ERC1: variants seen among roughly 807,000 people sequenced by gnomAD.
ERC1 encodes the protein RAB6 interacting protein 2.
A neutral mutation model predicts 132.0 loss-of-function variants in ERC1; 56 were observed. The ratio of observed to expected loss-of-function variants is 0.42; its 90% confidence interval spans 0.34 to 0.53. The LOEUF is 0.53. ERC1 is among the 20% of genes least tolerant of loss of function. ERC1 has a pLI of 0.03. For synonymous variants in ERC1, 478 were observed against 476.1 expected, an observed-to-expected ratio of 1.00 and a Z score of -0.05; for missense variants, 1,202 against 1,349.9, an observed-to-expected ratio of 0.89 and a Z score of 1.72.
At chr12:1,021,130 G>A (rs1488065854) in intron 1 of ERC1, among the ~76,000 whole-genome samples, 2 of 152,038 alleles carry the variant, frequency 1.3e-5, no homozygotes, top group East Asian at 2.0e-4. Flanking sequence ...TAGTAGAGAC[G>A]GGGTTTCACC....
At chr12:1,336,948 C>T (rs978124952) in intron 15 of ERC1, among the ~76,000 whole-genome samples, 8 of 152,098 alleles carry the variant, frequency 5.3e-5, no homozygotes, top group East Asian at 3.9e-4. Flanking sequence ...CAGGCATGCA[C>T]GAGCATGCTG....
chr12:1,291,120 C>T (rs938302294), intron 15 of ERC1, among the ~76,000 whole-genome samples: 2 of 152,200 alleles, frequency 1.3e-5, no homozygotes. Context: ...CATGAATTCT[C>T]ATGGGACATG....
chr12:1,419,604 T>C (rs763494012), intron 17 of ERC1, among the ~76,000 whole-genome samples: 10 of 151,808 alleles, frequency 6.6e-5, no homozygotes, highest in Admixed American at 5.9e-4. Context: ...GCCATGTTTT[T>C]CATCATTTCA....
Position 1,491,180 on chromosome 12 carries a change from T to C in ERC1, c.*950T>C, listed in dbSNP as rs1363858104. 4.3e-6 allele frequency: 1 copy of C among 231,822 alleles called. No individual in the cohort carries two copies. The highest frequency in any genetic ancestry group is 8.5e-6 in the Non-Finnish European group (1 of 117,132). The allele number at this position is 231,822 out of a possible 1,614,324, so 14.4% of individuals were successfully genotyped here. On this transcript the variant is annotated 3_prime_UTR_variant, in exon 19 of 19. Transcript: ENST00000360905. ...CAGATGCCCGTTGCTCTTGGGCTGGTTTCCCCTGAACACCTCCAAGAGGCT... is the reference window on the plus strand; with the variant it reads ...CAGATGCCCGTTGCTCTTGGGCTGGCTTCCCCTGAACACCTCCAAGAGGCT...
chr12:1,196,974 ATATTTTTTTTTT>A (rs1956378446), intron 12 of ERC1, among the ~76,000 whole-genome samples: 1 of 52,134 alleles, frequency 1.9e-5, no homozygotes, highest in Non-Finnish European at 3.4e-5. Context: ...ATATATATAT[ATATTTTTTTTTT>A]TTTTTTTTTT....
At chr12:1,317,970 A>G (rs2081883820) in intron 15 of ERC1, among the ~76,000 whole-genome samples, 1 of 152,224 alleles carries the variant, frequency 6.6e-6, no homozygotes, top group African/African-American at 2.4e-5. Context: ...TAGCATGTGT[A>G]TATTGTAAAT....
chr12:1,149,114 G>A (rs1950621484), intron 8 of ERC1, among the ~76,000 whole-genome samples: 2 of 152,128 alleles, frequency 1.3e-5, no homozygotes, highest in South Asian at 4.1e-4. Context: ...TAGGTTTAGA[G>A]AAGTTTAAAG....
At chr12:1,424,511 T>C (rs1435819344) in intron 17 of ERC1, among the ~76,000 whole-genome samples, 1 of 152,208 alleles carries the variant, frequency 6.6e-6, no homozygotes, top group Middle Eastern at 3.2e-3. Context: ...TAGTCTCTTA[T>C]GTCTCTAAAA....
chr12:1,462,556 AAAG>A (rs1190658152), intron 18 of ERC1, among the ~76,000 whole-genome samples: 1 of 152,254 alleles, frequency 6.6e-6, no homozygotes, highest in Non-Finnish European at 1.5e-5. Context: ...GTGTTAAGCA[AAAG>A]AAGCCAGACA....
intron 18 of ERC1, 134 bp downstream of exon 18, chr12:1,444,884 G>C (rs1389403178): frequency 1.4e-6 from 1 of 701,116 alleles, no homozygotes; most frequent in Non-Finnish European, 2.3e-6. Context: ...GGGGAATCCC[G>C]TTGCTGTGTA....
intron 12 of ERC1, among the ~76,000 whole-genome samples, chr12:1,235,288 G>A (rs1028017400): frequency 2.0e-5 from 3 of 152,162 alleles, no homozygotes; most frequent in African/African-American, 4.8e-5. Flanking sequence ...GAGCCTGGGG[G>A]GTCAAGGCTG....
At chr12:1,433,149 T>G (rs1478749053) in intron 17 of ERC1, among the ~76,000 whole-genome samples, 1 of 152,192 alleles carries the variant, frequency 6.6e-6, no homozygotes, top group African/African-American at 2.4e-5. Flanking sequence ...TAGTTAAGAT[T>G]ATAAGATGCA....
At chr12:1,285,723 A>C (rs1262264790) in intron 14 of ERC1, among the ~76,000 whole-genome samples, 1 of 152,240 alleles carries the variant, frequency 6.6e-6, no homozygotes, top group East Asian at 1.9e-4. Flanking sequence ...TACAAGGAGC[A>C]AATAATTTCA....
At chr12:1,430,053 G>T (rs1174380251) in intron 17 of ERC1, among the ~76,000 whole-genome samples, 1 of 152,152 alleles carries the variant, frequency 6.6e-6, no homozygotes, top group Non-Finnish European at 1.5e-5. Flanking sequence ...CTTCCCTGGG[G>T]ATAGAACAGC....
At chr12:1,486,417 C>T (rs10848490) in intron 18 of ERC1, among the ~76,000 whole-genome samples, 76,306 of 150,928 alleles carry the variant, frequency 0.51, 21,174 homozygotes, top group Middle Eastern at 0.64. Context: ...GCACTTTTTA[C>T]TTTATTTTAT....
At chr12:1,062,140 C>T (rs1240387958) in intron 2 of ERC1, among the ~76,000 whole-genome samples, 5 of 151,622 alleles carry the variant, frequency 3.3e-5, no homozygotes, top group Admixed American at 6.6e-5. Context: ...CCCACCAGCA[C>T]GCCTGGCTAA....
At chr12:1,306,268 T>A (rs2154347655) in intron 15 of ERC1, among the ~76,000 whole-genome samples, 1 of 152,296 alleles carries the variant, frequency 6.6e-6, no homozygotes, top group Non-Finnish European at 1.5e-5. Flanking sequence ...ACTATTTAAA[T>A]GAGCCATGAC....
chr12:1,334,412 G>T (rs1304692960), intron 15 of ERC1, among the ~76,000 whole-genome samples: 1 of 152,086 alleles, frequency 6.6e-6, no homozygotes, highest in African/African-American at 2.4e-5. Flanking sequence ...TTTTTGTATA[G>T]GGTGTAAGGA....
At chr12:1,480,705 G>A (rs200558930) in intron 18 of ERC1, 3 of 602,552 alleles carry the variant, frequency 5.0e-6, no homozygotes, top group African/African-American at 2.1e-5. Context: ...CCTGCCTTGA[G>A]GAGGTGAGGA....
Sources: allele counts gnomAD v4.1 joint callset (sites outside exome capture counted in the v4.1 genomes callset), GRCh38; gene constraint gnomAD v4.1.1; transcripts MANE v1.5; gene names NCBI Gene and HGNC (gene_info 2026-07-23, HGNC 2026-07-21).